TP63: variants seen among roughly 807,000 people sequenced by gnomAD.
The protein encoded by TP63 is tumor protein 63.
TP63 carries 17 observed loss-of-function variants against 82.8 expected under a neutral mutation model. The ratio of observed to expected loss-of-function variants is 0.21; its 90% CI spans 0.14 to 0.31. The LOEUF is 0.31. TP63 is among the 10% of genes least tolerant of loss of function. The pLI is 1.00. For missense variants in TP63, 648 were observed against 895.3 expected (o/e 0.72, Z 3.52); for synonymous variants, 330 against 321.7 (o/e 1.03, Z -0.28).
chr3:189,610,407 T>A, the TP63 span, among the ~76,000 whole-genome samples: 3 of 152,170 alleles, frequency 2.0e-5, no homozygotes, highest in Non-Finnish European at 4.4e-5. Flanking sequence ...ATACCCTAAA[T>A]CATCTCTCTC....
intron 4 of TP63, among the ~76,000 whole-genome samples, chr3:189,815,848 A>T (rs1728125517): frequency 6.6e-6 from 1 of 152,320 alleles, no homozygotes; most frequent in East Asian, 1.9e-4. Context: ...TTACAAAGTC[A>T]TATAGATTAA....
intron 3 of TP63, among the ~76,000 whole-genome samples, chr3:189,784,408 A>T (rs538866924): frequency 6.6e-6 from 1 of 152,206 alleles, no homozygotes; most frequent in South Asian, 2.1e-4. Flanking sequence ...GTGTTTGTAG[A>T]TTCCAGTCTC....
rs113494593 is a variant in TP63, at chr3:189,763,666, C to T, written c.324+24892C>T. On this transcript the variant is annotated intron_variant, in intron 3 of 13. Coordinates refer to ENST00000264731, the MANE Select transcript of TP63 (RefSeq NM_003722.5). ...GTGGGGAGAGGTTATACTAGGAAGA[C>T]GAACTGTGTTTAAGGTAGTTAGGAA... is the stretch of plus-strand genomic sequence containing the variant. Among the ~76,000 whole-genome samples the T allele has an allele frequency of 1.3e-3, 202 of 152,228 alleles. 1 individual carries two copies. The highest frequency in any genetic ancestry group is 2.4e-3 in the Non-Finnish European group (166 of 68,014).
At chr3:189,613,990 C>G in the TP63 span, among the ~76,000 whole-genome samples, 1 of 152,152 alleles carries the variant, frequency 6.6e-6, no homozygotes, top group African/African-American at 2.4e-5. Flanking sequence ...CTTGCCTTGT[C>G]TCAAATGAGA....
At chr3:189,813,545 A>G (rs1457687994) in intron 4 of TP63, among the ~76,000 whole-genome samples, 3 of 151,172 alleles carry the variant, frequency 2.0e-5, no homozygotes, top group Admixed American at 1.3e-4. Flanking sequence ...TTCACCGCTC[A>G]TGACACGAGA....
At chr3:189,851,275 C>G (rs1353566353) in intron 4 of TP63, among the ~76,000 whole-genome samples, 1 of 152,120 alleles carries the variant, frequency 6.6e-6, no homozygotes, top group Non-Finnish European at 1.5e-5. Context: ...TGTGTTATTT[C>G]CAGCCAGGCG....
chr3:189,765,236 A>C (rs939533849), intron 3 of TP63, among the ~76,000 whole-genome samples: 1 of 25,800 alleles, frequency 3.9e-5, no homozygotes. Flanking sequence ...ACTAAGGAGA[A>C]TATAGAGCAG....
chr3:189,814,351 G>C (rs1160543578), intron 4 of TP63, among the ~76,000 whole-genome samples: 1 of 152,188 alleles, frequency 6.6e-6, no homozygotes, highest in Non-Finnish European at 1.5e-5. Context: ...CCCCATTAAA[G>C]TCTGAGTCTC....
chr3:189,741,788 A>G (rs1361320066), intron 3 of TP63, among the ~76,000 whole-genome samples: 1 of 152,228 alleles, frequency 6.6e-6, no homozygotes, highest in Non-Finnish European at 1.5e-5. Flanking sequence ...AGGATATTTG[A>G]ATTGCAGAGA....
intron 4 of TP63, among the ~76,000 whole-genome samples, chr3:189,817,058 A>C (rs1360746935): frequency 6.6e-6 from 1 of 151,892 alleles, no homozygotes; most frequent in Non-Finnish European, 1.5e-5. Context: ...GAAAGGCCTG[A>C]AAACAGAGCA....
intron 1 of TP63, among the ~76,000 whole-genome samples, chr3:189,677,331 T>TTTATATATATAAATATATATAA (rs1553810155): frequency 1.4e-5 from 2 of 140,130 alleles, no homozygotes; most frequent in East Asian, 2.1e-4. Context: ...CACACACATA[T>TTTATATATATAAATATATATAA]TTATATATAT....
At chr3:189,666,236 T>C (rs775574836) in intron 1 of TP63, among the ~76,000 whole-genome samples, 1 of 152,048 alleles carries the variant, frequency 6.6e-6, no homozygotes, top group Non-Finnish European at 1.5e-5. Context: ...ACTCTAGTAG[T>C]TATAGAAAGA....
intron 1 of TP63, among the ~76,000 whole-genome samples, chr3:189,653,031 C>T (rs1478299923): frequency 8.3e-6 from 1 of 120,852 alleles, no homozygotes; most frequent in Non-Finnish European, 1.7e-5. Context: ...CTAATATAAT[C>T]AGCATGTTCT....
intron 3 of TP63, among the ~76,000 whole-genome samples, chr3:189,804,932 A>G (rs1560200592): frequency 6.6e-6 from 1 of 152,188 alleles, no homozygotes; most frequent in Non-Finnish European, 1.5e-5. Flanking sequence ...TTTCTCATCA[A>G]TCCTAAGAAA....
intron 1 of TP63, among the ~76,000 whole-genome samples, chr3:189,688,964 G>A (rs1716671220): frequency 6.6e-6 from 1 of 152,092 alleles, no homozygotes; most frequent in Admixed American, 6.6e-5. Context: ...GTCCCAGAGA[G>A]GGGAAGTAAA....
At chr3:189,802,629 A>G (rs1209259853) in intron 3 of TP63, among the ~76,000 whole-genome samples, 1 of 152,200 alleles carries the variant, frequency 6.6e-6, no homozygotes. Context: ...ACAGCACACT[A>G]GTGGCAGTGT....
chr3:189,886,651 C>G, intron 11 of TP63, 100 bp downstream of exon 11: 1 of 1,515,632 alleles, frequency 6.6e-7, no homozygotes, highest in African/African-American at 1.4e-5. Flanking sequence ...AAATGAGAGA[C>G]ACAGTGGGAC....
intron 4 of TP63, among the ~76,000 whole-genome samples, chr3:189,826,910 A>G (rs1711524335): frequency 6.6e-6 from 1 of 152,228 alleles, no homozygotes; most frequent in Admixed American, 6.5e-5. Flanking sequence ...ACTGGAAGGT[A>G]CACATTGAAG....
chr3:189,810,093 A>C (rs529490911), intron 4 of TP63, among the ~76,000 whole-genome samples: 9 of 152,340 alleles, frequency 5.9e-5, no homozygotes, highest in African/African-American at 2.2e-4. Flanking sequence ...GTAGAGCATG[A>C]ACATCAGCTT....
Sources: allele counts gnomAD v4.1 joint callset (sites outside exome capture counted in the v4.1 genomes callset), GRCh38; gene constraint gnomAD v4.1.1; transcripts MANE v1.5; gene names NCBI Gene and HGNC (gene_info 2026-07-23, HGNC 2026-07-21).